The following YARS1 variants were observed in gnomAD, a reference collection of about 807,000 sequenced individuals.
YARS1 encodes tyrosyl-tRNA synthetase 1.
In YARS1, 36 loss-of-function variants were observed where a neutral mutation model predicts 62.2. That is an observed-to-expected ratio of 0.58 (90% CI 0.44 to 0.76). The LOEUF is 0.76. YARS1 is among the 30% of genes least tolerant of loss of function. The probability of loss-of-function intolerance (pLI) is 0.00; values close to 1 mark genes in which losing one functional copy is unlikely to be tolerated. For missense variants in YARS1, 524 were observed against 639.8 expected, an observed-to-expected ratio of 0.82 and a Z score of 1.95; for synonymous variants, 234 against 244.9, an observed-to-expected ratio of 0.96 and a Z score of 0.42.
chr1:32,796,488 G>A (rs1410556509), intron 5 of YARS1, among the ~76,000 whole-genome samples: 5 of 150,724 alleles, frequency 3.3e-5, no homozygotes, highest in African/African-American at 4.9e-5. Context: ...ATTCTGCCTC[G>A]GCCTCCTGAA....
At chr1:32,812,988 A>C (rs937860971) in intron 1 of YARS1, among the ~76,000 whole-genome samples, 15 of 150,676 alleles carry the variant, frequency 1.0e-4, no homozygotes, top group Non-Finnish European at 2.1e-4. Context: ...AAAAAAAAAA[A>C]CCTTGGCTTC....
chr1:32,779,738 C>T (rs1652991905), intron 11 of YARS1: 5 of 647,226 alleles, frequency 7.7e-6, no homozygotes, highest in Non-Finnish European at 1.3e-5. Context: ...GTCAAGATAC[C>T]AAAATCTGTG....
intron 5 of YARS1, among the ~76,000 whole-genome samples, chr1:32,791,968 G>A (rs922177822): frequency 2.6e-5 from 4 of 152,068 alleles, no homozygotes; most frequent in Admixed American, 2.0e-4. Context: ...AGCAGACAGC[G>A]AAAGACTAAG....
chr1:32,801,745 T>A (rs928081914), intron 4 of YARS1, among the ~76,000 whole-genome samples: 1 of 152,210 alleles, frequency 6.6e-6, no homozygotes, highest in African/African-American at 2.4e-5. Context: ...CAACGAAGTT[T>A]ATGTAATATT....
At chr1:32,787,332 G>A (rs1278651414) in intron 6 of YARS1, among the ~76,000 whole-genome samples, 1 of 151,308 alleles carries the variant, frequency 6.6e-6, no homozygotes, top group Non-Finnish European at 1.5e-5. Flanking sequence ...TCATCATGTG[G>A]CCCAGGCTGG....
At chr1:32,796,995 AATATATATATATATATATATATATAT>A (rs869089598) in intron 5 of YARS1, among the ~76,000 whole-genome samples, 409 of 20,498 alleles carry the variant, frequency 0.02, 13 homozygotes, top group Middle Eastern at 0.05. Context: ...AAAAAAAAAA[AATATATATATATATATATATATATAT>A]ATATATATAT....
Position 32,794,966 on chromosome 1 carries a change from T to C in YARS1, c.591+2797A>G, listed in dbSNP as rs1315703975. On this transcript the variant is annotated intron_variant, in intron 5 of 12. Coordinates refer to ENST00000373477, the MANE Select transcript of YARS1 (RefSeq NM_003680.4). ...TTGCAGTGAGCCAAGATCACGCCAC[T>C]GCACTCCAGCCTGGTGACAGAGCAA... is the stretch of plus-strand genomic sequence containing the variant. 7.3e-5 allele frequency among the ~76,000 whole-genome samples: 9 copies of C among 123,560 alleles called. No individual in the cohort carries two copies. The East Asian group carries it at 2.0e-3, about 28-fold the overall frequency. 81.1% of individuals were successfully genotyped at this position (123,560 alleles called of 152,430 possible).
At chr1:32,780,497 C>G (rs1653017373) in intron 10 of YARS1, 2 of 591,146 alleles carry the variant, frequency 3.4e-6, no homozygotes, top group South Asian at 3.9e-5. Context: ...GTAAAGTGGA[C>G]CTAGATGCTT....
intron 6 of YARS1, among the ~76,000 whole-genome samples, chr1:32,789,115 A>G (rs1358041374): frequency 2.6e-5 from 4 of 152,168 alleles, no homozygotes; most frequent in Non-Finnish European, 5.9e-5. Context: ...TGTGAACCAC[A>G]ATGTGTGGCC....
At position 32,781,071 on chromosome 1, in the gene YARS1, C is replaced by T. The variant is rs764584188; in HGVS notation, c.1117G>A (p.Gly373Arg). The T allele has an allele frequency of 1.2e-6, 2 of 1,614,202 alleles. No individual in the cohort carries two copies. Among genetic ancestry groups the T allele is most frequent in the Non-Finnish European group, 1.7e-6 (2 of 1,180,042 alleles). The change falls in exon 10 of 13, where the codon GGG becomes AGG. Residue 373 changes from glycine to arginine, a missense_variant. Physicochemically the swap from Gly to Arg is moderately radical, Grantham distance 125. Coordinates refer to ENST00000373477, the MANE Select transcript of YARS1 (RefSeq NM_003680.4). The part of the protein sequence containing the change: ...VIPSRLDIRV[G>R]KIITVEKHPD... ...ACCTTCTCCACAGTGATGATTTTCCCCACACGGATATCCAGCCGGGATGGG... is the reference window on the plus strand; with the variant it reads ...ACCTTCTCCACAGTGATGATTTTCCTCACACGGATATCCAGCCGGGATGGG...
In YARS1 at chr1:32,808,221, A is replaced by AT. The variant is rs58621825; in HGVS notation, c.381-1611dup. Among the ~76,000 whole-genome samples the AT allele has an allele frequency of 3.2e-3, 378 of 118,314 alleles. No homozygotes were observed. The Middle Eastern group carries it at 0.034, about 11-fold the overall frequency. 77.6% of individuals were successfully genotyped at this position (118,314 alleles called of 152,430 possible). ...ATCCAGCAACCCCCACTCCCCCACC[A>AT]TTTTTTTTTTTTTTTTGAAACAGAG... On this transcript the variant is annotated intron_variant, in intron 3 of 12. Coordinates refer to ENST00000373477, the MANE Select transcript of YARS1 (RefSeq NM_003680.4).
At chr1:32,799,073 T>A (rs1302199056) in intron 4 of YARS1, among the ~76,000 whole-genome samples, 1 of 152,168 alleles carries the variant, frequency 6.6e-6, no homozygotes, top group Non-Finnish European at 1.5e-5. Flanking sequence ...TTTAGTAAGA[T>A]GGGTGTGGAG....
rs2148614959 is a variant in YARS1, at chr1:32,806,560, A to G, written c.432T>C (p.Asp144=). The change falls in exon 4 of 13, where the codon GAT becomes GAC. Residue 144 remains aspartate, a synonymous_variant. Transcript: ENST00000373477. ...CCACCTCAGCTCCAGCCTTCTTGGAATCGTGCTGTGTGACCACGGAGGAGA... is the reference window on the plus strand; with the variant it reads ...CCACCTCAGCTCCAGCCTTCTTGGAGTCGTGCTGTGTGACCACGGAGGAGA... The part of the protein sequence containing the change: ...YRLSSVVTQH[D]SKKAGAEVVK... The G allele has an allele frequency of 1.2e-6, 2 of 1,614,166 alleles. No homozygotes were observed. Among genetic ancestry groups the G allele is most frequent in the Non-Finnish European group, 1.7e-6 (2 of 1,180,032 alleles).
At chr1:32,815,952 A>G in intron 1 of YARS1, among the ~76,000 whole-genome samples, 1 of 152,036 alleles carries the variant, frequency 6.6e-6, no homozygotes, top group Non-Finnish European at 1.5e-5. Context: ...TACTAAAAAT[A>G]CAAAAAATTA....
chr1:32,784,292 G>C (rs1162162079), intron 8 of YARS1, among the ~76,000 whole-genome samples: 1 of 151,824 alleles, frequency 6.6e-6, no homozygotes, highest in Non-Finnish European at 1.5e-5. Flanking sequence ...TGGGATTACA[G>C]GTGTGAGCCA....
chr1:32,808,481 G>A (rs527703807), intron 3 of YARS1, among the ~76,000 whole-genome samples: 7 of 152,154 alleles, frequency 4.6e-5, no homozygotes, highest in Non-Finnish European at 1.0e-4. Context: ...GATTACAGGC[G>A]TGAGCCACCA....
At chr1:32,793,169 C>T (rs922488272) in intron 5 of YARS1, among the ~76,000 whole-genome samples, 1 of 152,134 alleles carries the variant, frequency 6.6e-6, no homozygotes, top group East Asian at 1.9e-4. Flanking sequence ...AGGAAAACAG[C>T]AGAACAGAAT....
intron 11 of YARS1, 188 bp downstream of exon 11, chr1:32,779,897 G>A: frequency 2.9e-6 from 2 of 688,836 alleles, no homozygotes; most frequent in Non-Finnish European, 5.0e-6. Flanking sequence ...AAAATTAACT[G>A]TAGGTAAAAT....
intron 4 of YARS1, among the ~76,000 whole-genome samples, chr1:32,799,527 T>C (rs989353331): frequency 6.6e-6 from 1 of 152,126 alleles, no homozygotes; most frequent in African/African-American, 2.4e-5. Flanking sequence ...TAAGACATTT[T>C]AAAAAAGTAG....
Sources: gnomAD v4.1 joint callset for allele counts (sites outside exome capture counted in the v4.1 genomes callset) on GRCh38, gnomAD v4.1.1 for gene constraint, MANE v1.5 for transcripts, NCBI Gene and HGNC (gene_info 2026-07-23, HGNC 2026-07-21) for gene names.